NAA35: variants seen among roughly 807,000 people sequenced by gnomAD.
The protein encoded by NAA35 is N-alpha-acetyltransferase 35, NatC auxiliary subunit, also known as MAK10 homolog, amino-acid N-acetyltransferase subunit.
In NAA35, 18 loss-of-function variants were observed where a neutral mutation model predicts 101.7. The observed-to-expected ratio is 0.18, with a 90% CI of 0.12 to 0.26. NAA35 has a LOEUF of 0.26. NAA35 is among the 10% of genes least tolerant of loss of function. The pLI, the probability that NAA35 is intolerant of heterozygous loss-of-function variation, is 1.00. For synonymous variants in NAA35, 267 were observed against 273.1 expected, an observed-to-expected ratio of 0.98 and a Z score of 0.22; for missense variants, 601 against 886.8, an observed-to-expected ratio of 0.68 and a Z score of 4.09.
At chr9:86,014,244 T>C (rs934223360) in intron 17 of NAA35, 10 of 323,332 alleles carry the variant, frequency 3.1e-5, no homozygotes, top group African/African-American at 1.3e-4. Flanking sequence ...AAACATCAAA[T>C]TGGAATGAGG....
intron 10 of NAA35, among the ~76,000 whole-genome samples, chr9:85,977,679 G>A (rs1205444196): frequency 1.3e-5 from 2 of 152,062 alleles, no homozygotes; most frequent in South Asian, 2.1e-4. Flanking sequence ...GAAATTACTT[G>A]TAGGTTGTTA....
intron 6 of NAA35, among the ~76,000 whole-genome samples, chr9:85,962,660 G>A (rs556021715): frequency 1.3e-5 from 2 of 152,278 alleles, no homozygotes; most frequent in East Asian, 3.9e-4. Context: ...ATTGGGTAAA[G>A]TAATTCAGTT....
intron 6 of NAA35, chr9:85,966,811 TAAAG>T (rs1290207126): frequency 3.2e-6 from 1 of 308,128 alleles, no homozygotes; most frequent in African/African-American, 2.3e-5. Context: ...AACTCAGCCT[TAAAG>T]AAATAATTAG....
chr9:85,959,245 A>G (rs1229233344), intron 4 of NAA35, among the ~76,000 whole-genome samples: 2 of 151,838 alleles, frequency 1.3e-5, no homozygotes, highest in Admixed American at 6.6e-5. Context: ...GCGTGGTGGC[A>G]GGCGCCTGTA....
intron 2 of NAA35, among the ~76,000 whole-genome samples, chr9:85,954,628 C>G (rs1829158209): frequency 1.3e-5 from 2 of 152,096 alleles, no homozygotes; most frequent in South Asian, 2.1e-4. Flanking sequence ...AAATTTTTGT[C>G]TTTTTTTAGC....
intron 17 of NAA35, chr9:86,015,725 G>GA (rs1832176187): frequency 1.1e-6 from 1 of 922,316 alleles, no homozygotes; most frequent in African/African-American, 1.8e-5. Context: ...TGAGGTACCT[G>GA]ATATTTGAGA....
intron 2 of NAA35, among the ~76,000 whole-genome samples, chr9:85,949,467 G>T (rs1381165847): frequency 6.6e-6 from 1 of 151,634 alleles, no homozygotes; most frequent in Non-Finnish European, 1.5e-5. Context: ...GCTAATTTTT[G>T]TATTTTTAGT....
At position 85,977,575 on chromosome 9, in the gene NAA35, A is replaced by G. The variant is rs116190286; in HGVS notation, c.762+129A>G. ...AGATATACAGAACTCAGCATTTGGT[A>G]TATTTATACCAGTGTAACACTGATG... On this transcript the variant is annotated intron_variant, in intron 10 of 22. Transcript: ENST00000361671. 181 of 646,630 alleles carry G rather than the reference A, an allele frequency of 2.8e-4. No individual in the cohort carries two copies. In the African/African-American group the frequency reaches 2.9e-3, roughly 10 times the overall value. The allele number at this position is 646,630 out of a possible 1,614,324, so 40.1% of individuals were successfully genotyped here. A position where few individuals can be genotyped will look rare whatever the true frequency, so the allele number is the denominator to read the frequency against.
At chr9:85,951,592 A>G (rs980715160) in intron 2 of NAA35, among the ~76,000 whole-genome samples, 1 of 152,174 alleles carries the variant, frequency 6.6e-6, no homozygotes, top group Non-Finnish European at 1.5e-5. Flanking sequence ...ATTTTGTAAC[A>G]TGCACTGCCA....
chr9:86,022,985 G>A lies in NAA35; in HGVS notation c.*1025G>A, dbSNP rs1167986025. Among the ~76,000 whole-genome samples the A allele has an allele frequency of 1.3e-5, 2 of 152,070 alleles. No homozygotes were observed. Among genetic ancestry groups the A allele is most frequent in the African/African-American group, 4.8e-5 (2 of 41,410 alleles). Reference sequence around the variant, plus strand: ...TAAGACTAGTGACAGTTTTATATTTGGTCTGTGGTTAAAAGGGTTCTCAGC... The same window carrying A: ...TAAGACTAGTGACAGTTTTATATTTAGTCTGTGGTTAAAAGGGTTCTCAGC... On this transcript the variant is annotated 3_prime_UTR_variant, in exon 23 of 23. Coordinates refer to ENST00000361671, the MANE Select transcript of NAA35 (RefSeq NM_024635.4).
chr9:86,010,008 T>A, intron 15 of NAA35, 77 bp downstream of exon 15: 1 of 1,177,904 alleles, frequency 8.5e-7, no homozygotes, highest in African/African-American at 1.5e-5. Flanking sequence ...TGGCTCACTT[T>A]GGGAGGCTGA....
At chr9:85,979,196 C>T (rs1830335307) in intron 11 of NAA35, among the ~76,000 whole-genome samples, 1 of 152,156 alleles carries the variant, frequency 6.6e-6, no homozygotes, top group Non-Finnish European at 1.5e-5. Flanking sequence ...CGAGAGTACG[C>T]TAAGCAAAGG....
intron 11 of NAA35, among the ~76,000 whole-genome samples, chr9:85,990,062 G>T (rs1830836410): frequency 6.6e-6 from 1 of 152,204 alleles, no homozygotes; most frequent in Non-Finnish European, 1.5e-5. Flanking sequence ...TTAGCTCATG[G>T]TTCTGCAGCC....
Position 85,973,698 on chromosome 9 carries a change from A to G in NAA35, c.517-1269A>G, listed in dbSNP as rs1227369365. ...AGAATCCTGTTTGATGTCCAAGTAG[A>G]GACAGACTATAAAAGAGAATAAGCT... On this transcript the variant is annotated intron_variant, in intron 6 of 22. Transcript: ENST00000361671. Among the ~76,000 whole-genome samples the G allele has an allele frequency of 5.9e-5, 9 of 152,092 alleles. 1 individual carries two copies. In the East Asian group the frequency reaches 1.5e-3, roughly 26 times the overall value.
At chr9:85,958,703 CA>C in intron 4 of NAA35, 117 bp downstream of exon 4, 1 of 577,464 alleles carries the variant, frequency 1.7e-6, no homozygotes, top group South Asian at 2.9e-5. Flanking sequence ...CAAAGCAGCT[CA>C]AGCATATAAA....
intron 6 of NAA35, among the ~76,000 whole-genome samples, chr9:85,967,571 G>T (rs1021704001): frequency 1.2e-4 from 18 of 152,060 alleles, no homozygotes; most frequent in Admixed American, 2.0e-4. Flanking sequence ...ACTTTGAGAG[G>T]CCCGAGGTGG....
intron 2 of NAA35, among the ~76,000 whole-genome samples, chr9:85,949,015 C>A (rs1054919429): frequency 6.6e-6 from 1 of 152,130 alleles, no homozygotes; most frequent in African/African-American, 2.4e-5. Context: ...CCTCAGCCTC[C>A]CAAAGTGCTG....
intron 2 of NAA35, among the ~76,000 whole-genome samples, chr9:85,945,527 C>A (rs1367539044): frequency 6.6e-6 from 1 of 151,838 alleles, no homozygotes; most frequent in African/African-American, 2.4e-5. Flanking sequence ...TGGCTAGACT[C>A]TGGTGATTTT....
intron 6 of NAA35, among the ~76,000 whole-genome samples, chr9:85,973,242 T>C (rs1830070400): frequency 6.6e-6 from 1 of 152,186 alleles, no homozygotes; most frequent in African/African-American, 2.4e-5. Flanking sequence ...GGCCATGTGA[T>C]GTAGGGCCAT....
Sources: allele counts gnomAD v4.1 joint callset (sites outside exome capture counted in the v4.1 genomes callset), GRCh38; gene constraint gnomAD v4.1.1; transcripts MANE v1.5; gene names NCBI Gene and HGNC (gene_info 2026-07-23, HGNC 2026-07-21).